UGT2B10: variants seen among roughly 807,000 people sequenced by gnomAD.
UGT2B10 encodes UDP-glucuronosyltransferase 2B10.
In UGT2B10, 51 loss-of-function variants were observed where a neutral mutation model predicts 43.7. That is an observed-to-expected ratio of 1.17 (90% CI 0.93 to 1.47). UGT2B10 has a LOEUF of 1.47. UGT2B10 is among the 40% of genes most tolerant of loss of function. The probability of loss-of-function intolerance (pLI) is 0.00; values close to 1 mark genes in which losing one functional copy is unlikely to be tolerated. For synonymous variants in UGT2B10, 225 were observed against 209.0 expected, an observed-to-expected ratio of 1.08 and a Z score of -0.66; for missense variants, 696 against 617.7, an observed-to-expected ratio of 1.13 and a Z score of -1.34.
intron 2 of UGT2B10, among the ~76,000 whole-genome samples, chr4:68,818,452 C>T (rs1737332471): frequency 2.6e-5 from 4 of 151,638 alleles, no homozygotes; most frequent in Admixed American, 2.0e-4. Flanking sequence ...AGGTATTGGT[C>T]ATTCATTCAA....
chr4:68,828,411 AT>A (rs2109703837), intron 5 of UGT2B10, among the ~76,000 whole-genome samples: 1 of 151,682 alleles, frequency 6.6e-6, no homozygotes, highest in South Asian at 2.1e-4. Flanking sequence ...GGAGGGTATC[AT>A]CTAAAGAAAT....
In UGT2B10 at chr4:68,826,430, G is replaced by A; in HGVS notation, c.1020G>A (p.Gly340=). 6.2e-7 allele frequency: 1 copy of A among 1,611,452 alleles called. No homozygotes were observed. Among genetic ancestry groups the A allele is most frequent in the Non-Finnish European group, 8.5e-7 (1 of 1,179,080 alleles). Residue 340 remains glycine, a synonymous_variant, in exon 4 of 6, where the codon GGG becomes GGA. Transcript: ENST00000265403. ...AACAGGTTCTTTGGAGATTTGATGG[G>A]AATAAACCAGATGCCTTAGGTCTCA... The part of the protein sequence containing the change: ...IPQKVLWRFD[G]NKPDALGLNT...
intron 1 of UGT2B10, among the ~76,000 whole-genome samples, chr4:68,817,381 A>G (rs1289541854): frequency 6.6e-6 from 1 of 151,834 alleles, no homozygotes; most frequent in African/African-American, 2.4e-5. Flanking sequence ...ATTTGAAACT[A>G]TGTCTCTTTA....
Position 68,826,431 on chromosome 4 carries a change from A to C in UGT2B10, c.1021A>C (p.Asn341His). The change falls in exon 4 of 6, where the codon AAT becomes CAT. Residue 341 changes from asparagine to histidine, a missense_variant. Transcript: ENST00000265403. ...ACAGGTTCTTTGGAGATTTGATGGG[A>C]ATAAACCAGATGCCTTAGGTCTCAA... is the stretch of plus-strand genomic sequence containing the variant. ...PQKVLWRFDGNKPDALGLNTR... is the reference protein window; with the variant it reads ...PQKVLWRFDGHKPDALGLNTR... 2 of 1,611,688 alleles carry C rather than the reference A, an allele frequency of 1.2e-6. No individual in the cohort carries two copies. The highest frequency in any genetic ancestry group is 1.1e-5 in the South Asian group (1 of 90,844).
At chr4:68,828,727 T>G (rs1913320) in intron 5 of UGT2B10, among the ~76,000 whole-genome samples, 6,203 of 152,056 alleles carry the variant, frequency 0.041, 200 homozygotes, top group African/African-American at 0.08. Flanking sequence ...TACACATATA[T>G]GTATCGTATA....
chr4:68,822,493 T>C (rs572298088), intron 3 of UGT2B10, 91 bp downstream of exon 3: 98 of 1,596,802 alleles, frequency 6.1e-5, no homozygotes, highest in Non-Finnish European at 8.0e-5. Flanking sequence ...AAGAGTAGAC[T>C]GAACTATTTA....
chr4:68,830,106 C>T (rs1048970282), intron 5 of UGT2B10, among the ~76,000 whole-genome samples: 1 of 151,964 alleles, frequency 6.6e-6, no homozygotes, highest in African/African-American at 2.4e-5. Flanking sequence ...TCTTGCAGCA[C>T]TTAAAATGGC....
At chr4:68,830,112 A>G (rs1738014271) in intron 5 of UGT2B10, among the ~76,000 whole-genome samples, 1 of 152,082 alleles carries the variant, frequency 6.6e-6, no homozygotes. Flanking sequence ...AGCACTTAAA[A>G]TGGCTCATGA....
At chr4:68,819,681 C>CAG (rs559002110) in intron 2 of UGT2B10, among the ~76,000 whole-genome samples, 3 of 151,932 alleles carry the variant, frequency 2.0e-5, no homozygotes, top group South Asian at 4.1e-4. Flanking sequence ...AGGTGTCTGA[C>CAG]AGAGAAGCAC....
At chr4:68,828,557 G>T (rs1737919838) in intron 5 of UGT2B10, among the ~76,000 whole-genome samples, 1 of 151,834 alleles carries the variant, frequency 6.6e-6, no homozygotes, top group African/African-American at 2.4e-5. Flanking sequence ...AAACAAAGTG[G>T]TAGATTTAAA....
At chr4:68,827,638 A>T (rs1737865436) in intron 5 of UGT2B10, 90 bp downstream of exon 5, 2 of 1,541,672 alleles carry the variant, frequency 1.3e-6, no homozygotes, top group African/African-American at 2.8e-5. Flanking sequence ...TTTATAAGAG[A>T]GTGATTTTGA....
intron 5 of UGT2B10, among the ~76,000 whole-genome samples, chr4:68,829,105 G>T (rs555218462): frequency 7.9e-5 from 12 of 151,962 alleles, no homozygotes; most frequent in African/African-American, 1.4e-4. Flanking sequence ...TGTCCAAAAA[G>T]CGTTAGCAAC....
chr4:68,829,773 C>T (rs950834261), intron 5 of UGT2B10, among the ~76,000 whole-genome samples: 1 of 151,884 alleles, frequency 6.6e-6, no homozygotes, highest in Non-Finnish European at 1.5e-5. Flanking sequence ...AAATAGTAGG[C>T]CAATCTAGAA....
At chr4:68,824,524 T>C (rs997452378) in intron 3 of UGT2B10, among the ~76,000 whole-genome samples, 12 of 152,192 alleles carry the variant, frequency 7.9e-5, no homozygotes, top group African/African-American at 2.9e-4. Context: ...ATATATTTTC[T>C]TCTATATAGA....
intron 2 of UGT2B10, 30 bp from the exon 3 acceptor site, chr4:68,822,241 A>G (rs781901797): frequency 3.1e-6 from 5 of 1,607,934 alleles, no homozygotes; most frequent in East Asian, 2.2e-5. Flanking sequence ...ATACTCTTTT[A>G]TGATGAAACA....
intron 5 of UGT2B10, among the ~76,000 whole-genome samples, chr4:68,828,631 G>C (rs1737923383): frequency 6.6e-6 from 1 of 151,850 alleles, no homozygotes. Context: ...AGCAAATAAT[G>C]AGTAAGGACA....
At position 68,829,820 on chromosome 4, in the gene UGT2B10, G is replaced by T. The variant is rs190117930; in HGVS notation, c.1308-780G>T. On this transcript the variant is annotated intron_variant, in intron 5 of 5. Transcript: ENST00000265403. ...GGTAAAAGTGTTAGAAAAAGACCTT[G>T]CCAGTGTCTAACAATGTAGGGTTCT... Among the ~76,000 whole-genome samples the T allele has an allele frequency of 6.6e-3, 999 of 152,166 alleles. 23 individuals are homozygous for T. Among genetic ancestry groups the T allele is most frequent in the South Asian group, 0.059 (285 of 4,820 alleles).
At chr4:68,830,515 A>G in intron 5 of UGT2B10, 85 bp from the exon 6 acceptor site, 2 of 1,405,318 alleles carry the variant, frequency 1.4e-6, no homozygotes, top group Non-Finnish European at 9.5e-7. Context: ...GAATTATTTG[A>G]CACTTTAAAA....
chr4:68,830,507 ATTAT>A lies in UGT2B10; in HGVS notation c.1308-90_1308-87del, dbSNP rs1192079093. On this transcript the variant is annotated intron_variant, in intron 5 of 5. Coordinates refer to ENST00000265403, the MANE Select transcript of UGT2B10 (RefSeq NM_001075.6). ...ATCAATTCTTTGACATTTACTTTGA[ATTAT>A]TTGACACTTTAAAAGCCTTTCATAG... is the stretch of plus-strand genomic sequence containing the variant. The A allele has an allele frequency of 5.1e-6, 7 of 1,366,958 alleles. No homozygotes were observed. The Admixed American group carries it at 1.8e-4, about 36-fold the overall frequency. The allele number at this position is 1,366,958 out of a possible 1,614,324, so 84.7% of individuals were successfully genotyped here. A position where few individuals can be genotyped will look rare whatever the true frequency, so the allele number is the denominator to read the frequency against.
Sources: gnomAD v4.1 joint callset for allele counts (sites outside exome capture counted in the v4.1 genomes callset) on GRCh38, gnomAD v4.1.1 for gene constraint, MANE v1.5 for transcripts, NCBI Gene and HGNC (gene_info 2026-07-23, HGNC 2026-07-21) for gene names.